KSR2: variants seen among roughly 807,000 people sequenced by gnomAD.
KSR2 encodes the protein kinase suppressor of ras 2.
KSR2 carries 25 observed loss-of-function variants against 107.8 expected under a neutral mutation model. That is an observed-to-expected ratio of 0.23 (90% CI 0.17 to 0.32). KSR2 has a LOEUF of 0.32. Among genes scored for constraint, KSR2 ranks in the 10% least tolerant of loss-of-function variants. KSR2 has a pLI of 1.00. For synonymous variants in KSR2, 480 were observed against 507.0 expected (o/e 0.95, Z 0.71); for missense variants, 887 against 1,268.9 (o/e 0.70, Z 4.57).
intron 3 of KSR2, among the ~76,000 whole-genome samples, chr12:117,839,886 G>GA (rs1892391914): frequency 6.6e-6 from 1 of 152,166 alleles, no homozygotes; most frequent in South Asian, 2.1e-4. Context: ...CAGTACAGAT[G>GA]AAAGTAAGCA....
At chr12:117,945,119 T>C (rs1896140625) in intron 1 of KSR2, among the ~76,000 whole-genome samples, 1 of 152,042 alleles carries the variant, frequency 6.6e-6, no homozygotes, top group Non-Finnish European at 1.5e-5. Context: ...ACAATTACAG[T>C]AGGAGACATC....
At chr12:117,536,195 C>T (rs1216989005) in intron 10 of KSR2, among the ~76,000 whole-genome samples, 5 of 152,196 alleles carry the variant, frequency 3.3e-5, no homozygotes, top group African/African-American at 4.8e-5. Flanking sequence ...ATTGTTATGC[C>T]TAAGCTTTAG....
rs1894540528 is a variant in KSR2 at position 117,897,193 on chromosome 12, AC to A, written c.181-36763del. Among the ~76,000 whole-genome samples the A allele has an allele frequency of 6.6e-6, 1 of 152,210 alleles. No homozygotes were observed. The highest frequency in any genetic ancestry group is 1.5e-5 in the Non-Finnish European group (1 of 68,040). On this transcript the variant is annotated intron_variant, in intron 1 of 19. Transcript: ENST00000339824. This position sits in a 1 kb window ranked among gnomAD's most constrained non-coding sequence, Gnocchi z 4.5. Reference sequence around the variant, plus strand: ...ATTAACATCCAGCTCCCAAGCTGTGACAGATGCCAGTTTCAGGCCATATTAT... The same window carrying A: ...ATTAACATCCAGCTCCCAAGCTGTGAAGATGCCAGTTTCAGGCCATATTAT...
At chr12:117,730,778 G>A (rs913413417) in intron 4 of KSR2, among the ~76,000 whole-genome samples, 5 of 152,218 alleles carry the variant, frequency 3.3e-5, no homozygotes, top group East Asian at 3.9e-4. Context: ...CCGAGGTGCC[G>A]GGATTGCAGA....
At chr12:117,730,707 G>A (rs1018540982) in intron 4 of KSR2, among the ~76,000 whole-genome samples, 9 of 152,220 alleles carry the variant, frequency 5.9e-5, no homozygotes, top group Admixed American at 2.0e-4. Flanking sequence ...ACGGGGTTTC[G>A]CTGTGTTGGC....
intron 3 of KSR2, among the ~76,000 whole-genome samples, chr12:117,781,486 A>G (rs1356794906): frequency 6.6e-6 from 1 of 152,124 alleles, no homozygotes. Context: ...GGCAGAGAAG[A>G]GGTGGACAAG....
intron 5 of KSR2, among the ~76,000 whole-genome samples, chr12:117,617,335 A>G (rs1330951764): frequency 1.3e-5 from 2 of 152,178 alleles, no homozygotes; most frequent in African/African-American, 4.8e-5. Context: ...CTGATCTTCT[A>G]TTAAACCCAC....
chr12:117,887,252 G>T (rs56324591), intron 1 of KSR2, among the ~76,000 whole-genome samples: 19,221 of 151,514 alleles, frequency 0.13, 1,304 homozygotes, highest in South Asian at 0.19. Flanking sequence ...TTCTTTTTCG[G>T]TTTTTGTTTT....
chr12:117,821,573 A>C lies in KSR2; in HGVS notation c.472+33855T>G, dbSNP rs910166369. On this transcript the variant is annotated intron_variant, in intron 3 of 19. Transcript: ENST00000339824. ...TTCCAGTCAATGGTAGGCCATTAGTAAAGTTTTGGGGGAAATCAAAGGTTA... is the reference window on the plus strand; with the variant it reads ...TTCCAGTCAATGGTAGGCCATTAGTCAAGTTTTGGGGGAAATCAAAGGTTA... Among the ~76,000 whole-genome samples, 7 of 152,216 alleles carry C rather than the reference A, an allele frequency of 4.6e-5. No homozygotes were observed. The East Asian group carries it at 5.8e-4, about 13-fold the overall frequency.
intron 3 of KSR2, among the ~76,000 whole-genome samples, chr12:117,843,938 T>TTC: frequency 6.6e-6 from 1 of 151,462 alleles, no homozygotes; most frequent in Non-Finnish European, 1.5e-5. Flanking sequence ...CCTTTTTTTT[T>TTC]TTTTTTTTTT....
chr12:117,643,209 G>C (rs897885947), intron 5 of KSR2, among the ~76,000 whole-genome samples: 5 of 152,284 alleles, frequency 3.3e-5, no homozygotes, highest in Admixed American at 6.5e-5. Context: ...AGGAGGCCAA[G>C]GTGGGCAGAT....
rs1166413767 is a variant in KSR2, at chr12:117,455,034, CAG to C, written c.*12163_*12164del. 1,454 of 91,352 alleles carry C rather than the reference CAG, an allele frequency of 0.016. 21 individuals carry two copies. The highest frequency in any genetic ancestry group is 0.045 in the African/African-American group (971 of 21,792). The allele number at this position is 91,352 out of a possible 1,614,324, so 5.7% of individuals were successfully genotyped here. ...AGAGACAGACACAGAGACAGACAGA[CAG>C]AGAGAGAGAGAGAGAGAGAGAGAGA... On this transcript the variant is annotated 3_prime_UTR_variant, in exon 20 of 20. Coordinates refer to ENST00000339824, the MANE Select transcript of KSR2 (RefSeq NM_173598.6).
chr12:117,774,995 T>G (rs1251042335), intron 3 of KSR2, among the ~76,000 whole-genome samples: 2 of 152,240 alleles, frequency 1.3e-5, no homozygotes, highest in Non-Finnish European at 1.5e-5. Flanking sequence ...TGTGTTGGTC[T>G]TTCCTTTCTT....
chr12:117,838,651 C>T (rs1892341706), intron 3 of KSR2, among the ~76,000 whole-genome samples: 1 of 152,094 alleles, frequency 6.6e-6, no homozygotes, highest in Non-Finnish European at 1.5e-5. Flanking sequence ...AATGTTGTAC[C>T]ACTTGTGCAA....
intron 4 of KSR2, among the ~76,000 whole-genome samples, chr12:117,713,050 TATAA>T (rs1027892583): frequency 2.5e-4 from 36 of 142,708 alleles, no homozygotes; most frequent in African/African-American, 9.9e-4. Context: ...TAGACAAATA[TATAA>T]ATATATATAT....
intron 5 of KSR2, among the ~76,000 whole-genome samples, chr12:117,662,617 A>C (rs1421792446): frequency 1.3e-5 from 2 of 152,322 alleles, no homozygotes; most frequent in East Asian, 3.9e-4. Context: ...ATGAAGGACA[A>C]TATTCCATAA....
At chr12:117,498,537 C>CT (rs1221075780) in intron 14 of KSR2, among the ~76,000 whole-genome samples, 1 of 152,132 alleles carries the variant, frequency 6.6e-6, no homozygotes, top group African/African-American at 2.4e-5. Flanking sequence ...GACTCCTATC[C>CT]TTTGTCTTCT....
At chr12:117,653,487 T>C (rs1185612492) in intron 5 of KSR2, among the ~76,000 whole-genome samples, 1 of 152,250 alleles carries the variant, frequency 6.6e-6, no homozygotes, top group Non-Finnish European at 1.5e-5. Flanking sequence ...TTCTGCAAGA[T>C]ATCACACTGG....
rs545620140 is a variant in KSR2, at chr12:117,574,028, T to C, written c.1325+5091A>G. Among the ~76,000 whole-genome samples, 5 of 152,254 alleles carry C rather than the reference T, an allele frequency of 3.3e-5. No individual in the cohort carries two copies. The East Asian group carries it at 9.7e-4, about 29-fold the overall frequency. On this transcript the variant is annotated intron_variant, in intron 7 of 19. Coordinates refer to ENST00000339824, the MANE Select transcript of KSR2 (RefSeq NM_173598.6). ...GTCCCGCTGGGCAATAAAGCTTGAT[T>C]TTGTTTTTTAAACCACTACTTCTAA...
Sources: allele counts gnomAD v4.1 joint callset (sites outside exome capture counted in the v4.1 genomes callset), GRCh38; gene constraint gnomAD v4.1.1; non-coding constraint Gnocchi (gnomAD v3.1); transcripts MANE v1.5; gene names NCBI Gene and HGNC (gene_info 2026-07-23, HGNC 2026-07-21).